The following JAZF1 variants were observed in gnomAD, a reference collection of about 807,000 sequenced individuals.
JAZF1 encodes the protein juxtaposed with another zinc finger protein 1.
In JAZF1, 8 loss-of-function variants were observed where a neutral mutation model predicts 26.4. The ratio of observed to expected loss-of-function variants is 0.30; its 90% CI spans 0.18 to 0.55. The LOEUF is 0.55. Among genes scored for constraint, JAZF1 ranks in the 20% least tolerant of loss-of-function variants. The probability of loss-of-function intolerance (pLI) is 0.94; values close to 1 mark genes in which losing one functional copy is unlikely to be tolerated. For synonymous variants in JAZF1, 126 were observed against 122.3 expected, an observed-to-expected ratio of 1.03 and a Z score of -0.20; for missense variants, 199 against 322.0, an observed-to-expected ratio of 0.62 and a Z score of 2.92.
Position 27,874,801 on chromosome 7 carries a change from G to A in JAZF1, c.385+20419C>T, listed in dbSNP as rs867830751. On this transcript the variant is annotated intron_variant, in intron 3 of 4. Coordinates refer to ENST00000283928, the MANE Select transcript of JAZF1 (RefSeq NM_175061.4). ...TTGGCGTGGCACTGCCTTGGGCCCTGGGTGGGAAGGCTGGTCAATAGCCTT... is the reference window on the plus strand; with the variant it reads ...TTGGCGTGGCACTGCCTTGGGCCCTAGGTGGGAAGGCTGGTCAATAGCCTT... 6.6e-5 allele frequency among the ~76,000 whole-genome samples: 10 copies of A among 152,254 alleles called. No homozygotes were observed. The South Asian group carries it at 2.1e-3, about 32-fold the overall frequency.
chr7:27,972,809 G>T (rs867795070), intron 2 of JAZF1, among the ~76,000 whole-genome samples: 6 of 151,420 alleles, frequency 4.0e-5, no homozygotes. Flanking sequence ...GATGTTACAC[G>T]AAAAACAAAA....
chr7:27,836,761 A>G (rs914963418), intron 4 of JAZF1, among the ~76,000 whole-genome samples: 1 of 152,230 alleles, frequency 6.6e-6, no homozygotes, highest in African/African-American at 2.4e-5. Context: ...GCCACTGCAC[A>G]GCAGCACACA....
intron 1 of JAZF1, among the ~76,000 whole-genome samples, chr7:28,107,231 A>G (rs73072543): frequency 0.093 from 14,106 of 152,232 alleles, 865 homozygotes; most frequent in South Asian, 0.21. Context: ...AGTATCTTGA[A>G]GGTATTTCTC....
intron 1 of JAZF1, among the ~76,000 whole-genome samples, chr7:28,068,057 G>A (rs1783913628): frequency 6.6e-6 from 1 of 152,076 alleles, no homozygotes; most frequent in Non-Finnish European, 1.5e-5. Context: ...GGGATTACAG[G>A]TGCACACCAA....
In JAZF1 at chr7:28,020,194, T is replaced by TA. The variant is rs550617401; in HGVS notation, c.116-28214dup. On this transcript the variant is annotated intron_variant, in intron 1 of 4. Transcript: ENST00000283928. Reference sequence around the variant, plus strand: ...GCTGAAACCCTCCTTAGATAAGAGATAAAACTATGCTGTAACTTATATCCT... The same window carrying TA: ...GCTGAAACCCTCCTTAGATAAGAGATAAAAACTATGCTGTAACTTATATCCT... 3.2e-4 allele frequency among the ~76,000 whole-genome samples: 48 copies of TA among 152,328 alleles called. No homozygotes were observed. In the East Asian group the frequency reaches 8.5e-3, roughly 27 times the overall value.
chr7:27,902,985 C>T (rs1158619782), intron 2 of JAZF1, among the ~76,000 whole-genome samples: 1 of 149,034 alleles, frequency 6.7e-6, no homozygotes, highest in Non-Finnish European at 1.5e-5. Context: ...CACTGCACTC[C>T]AGCCTGGGCG....
chr7:27,940,610 C>T (rs1337863300), intron 2 of JAZF1, among the ~76,000 whole-genome samples: 1 of 152,220 alleles, frequency 6.6e-6, no homozygotes, highest in Non-Finnish European at 1.5e-5. Context: ...AGATGCCAAC[C>T]AGTCCACGAG....
rs922532440 is a variant in JAZF1, at chr7:27,831,545, T to A, written c.*1255A>T. ...ATGTAGATTACTCTAATAGGTCGTA[T>A]TAGTCATGCTTTTCTTTGACCACCT... On this transcript the variant is annotated 3_prime_UTR_variant, in exon 5 of 5. Coordinates refer to ENST00000283928, the MANE Select transcript of JAZF1 (RefSeq NM_175061.4). 4.4e-6 allele frequency: 1 copy of A among 228,032 alleles called. No homozygotes were observed. The highest frequency in any genetic ancestry group is 5.7e-5 in the Admixed American group (1 of 17,624). The allele number at this position is 228,032 out of a possible 1,614,324, so 14.1% of individuals were successfully genotyped here.
chr7:28,148,891 C>A (rs753027331), intron 1 of JAZF1, among the ~76,000 whole-genome samples: 3 of 152,194 alleles, frequency 2.0e-5, no homozygotes, highest in Non-Finnish European at 4.4e-5. Context: ...AGGAGGAAAA[C>A]CTCCTTGCGG....
chr7:28,072,032 AAACACGT>A (rs1156544778), intron 1 of JAZF1, among the ~76,000 whole-genome samples: 1 of 152,238 alleles, frequency 6.6e-6, no homozygotes, highest in East Asian at 1.9e-4. Flanking sequence ...TGTCTGAATC[AAACACGT>A]CTTCTGTTCT....
intron 1 of JAZF1, among the ~76,000 whole-genome samples, chr7:28,085,920 G>A (rs138978792): frequency 1.3e-5 from 2 of 152,298 alleles, no homozygotes; most frequent in African/African-American, 2.4e-5. Flanking sequence ...TTGCACATCT[G>A]CAAAGTACTA....
chr7:27,868,117 GTGCTTGGATCAGTGCC>G (rs1783511655), intron 3 of JAZF1, among the ~76,000 whole-genome samples: 1 of 152,156 alleles, frequency 6.6e-6, no homozygotes, highest in Non-Finnish European at 1.5e-5. Context: ...TACGACAACG[GTGCTTGGATCAGTGCC>G]TGCCATACTG....
At chr7:27,839,107 A>T (rs1389033102) in intron 4 of JAZF1, among the ~76,000 whole-genome samples, 1 of 152,252 alleles carries the variant, frequency 6.6e-6, no homozygotes, top group Non-Finnish European at 1.5e-5. Context: ...ATGGAGCTGG[A>T]GGTGGGAGAG....
chr7:27,965,899 A>C (rs1238410329), intron 2 of JAZF1, among the ~76,000 whole-genome samples: 2 of 152,230 alleles, frequency 1.3e-5, no homozygotes, highest in African/African-American at 2.4e-5. Flanking sequence ...CTACATGAAT[A>C]AAAACACATG....
At chr7:27,879,222 T>C (rs1452577525) in intron 3 of JAZF1, among the ~76,000 whole-genome samples, 1 of 152,244 alleles carries the variant, frequency 6.6e-6, no homozygotes, top group Non-Finnish European at 1.5e-5. Context: ...GTCCTATGTG[T>C]ATGTTCCATT....
At chr7:28,169,947 T>G (rs915665713) in intron 1 of JAZF1, among the ~76,000 whole-genome samples, 5 of 152,084 alleles carry the variant, frequency 3.3e-5, no homozygotes, top group Non-Finnish European at 7.4e-5. Flanking sequence ...CAGAAGCGAT[T>G]TAAGGTCTGG....
chr7:27,996,689 A>G (rs986840171), intron 1 of JAZF1, among the ~76,000 whole-genome samples: 1 of 151,870 alleles, frequency 6.6e-6, no homozygotes, highest in Non-Finnish European at 1.5e-5. Flanking sequence ...CCTCTTCCTC[A>G]CTCTGCACCA....
At position 28,018,451 on chromosome 7, in the gene JAZF1, C is replaced by T. The variant is rs569196057; in HGVS notation, c.116-26470G>A. ...TTTTAAGAGGATCCCTCTGAAAAGA[C>T]GGCCCCAGAATCACGGTGACTACAT... On this transcript the variant is annotated intron_variant, in intron 1 of 4. Transcript: ENST00000283928. Among the ~76,000 whole-genome samples the T allele has an allele frequency of 1.8e-4, 28 of 152,296 alleles. 1 individual carries two copies. In the South Asian group the frequency reaches 5.0e-3, roughly 27 times the overall value.
At chr7:28,064,966 G>A (rs748519520) in intron 1 of JAZF1, among the ~76,000 whole-genome samples, 80 of 152,122 alleles carry the variant, frequency 5.3e-4, no homozygotes, top group Non-Finnish European at 6.3e-4. Context: ...AGTGTGAAGG[G>A]CATTTGTAGA....
Sources: gnomAD v4.1 joint callset for allele counts (sites outside exome capture counted in the v4.1 genomes callset) on GRCh38, gnomAD v4.1.1 for gene constraint, MANE v1.5 for transcripts, NCBI Gene and HGNC (gene_info 2026-07-23, HGNC 2026-07-21) for gene names.